The following SVEP1 variants were observed in gnomAD, a reference collection of about 807,000 sequenced individuals.
The protein encoded by SVEP1 is sushi, von Willebrand factor type A, EGF and pentraxin domain-containing protein 1.
A neutral mutation model predicts 367.3 loss-of-function variants in SVEP1; 164 were observed. The ratio of observed to expected loss-of-function variants is 0.45; its 90% CI spans 0.39 to 0.51. SVEP1 has a LOEUF of 0.51. Among genes scored for constraint, SVEP1 ranks in the 20% least tolerant of loss-of-function variants. The pLI is 0.00. For synonymous variants in SVEP1, 1,666 were observed against 1,611.6 expected, an observed-to-expected ratio of 1.03 and a Z score of -0.81; for missense variants, 4,117 against 4,425.3, an observed-to-expected ratio of 0.93 and a Z score of 1.98.
rs774579991 is a variant in SVEP1 at position 110,553,031 on chromosome 9, G to T, written c.532-2927C>A. The stretch of plus-strand genomic sequence containing the variant: ...ATATCCATGGGAAGAGATCCTGGAA[G>T]CCGCAGGAGATAGCTGCATTAAAGG... On this transcript the variant is annotated intron_variant, in intron 1 of 47. Coordinates refer to ENST00000374469, the MANE Select transcript of SVEP1 (RefSeq NM_153366.4). Among the ~76,000 whole-genome samples, 21 of 152,332 alleles carry T rather than the reference G, an allele frequency of 1.4e-4. 1 individual carries two copies. Among genetic ancestry groups the T allele is most frequent in the Non-Finnish European group, 2.6e-4 (18 of 68,034 alleles).
chr9:110,551,895 T>C (rs1328931506), intron 1 of SVEP1, among the ~76,000 whole-genome samples: 2 of 152,052 alleles, frequency 1.3e-5, no homozygotes, highest in African/African-American at 2.4e-5. Flanking sequence ...AAGAGATGAT[T>C]GACAAGCCTC....
intron 9 of SVEP1, among the ~76,000 whole-genome samples, chr9:110,486,858 T>C (rs781146333): frequency 6.6e-6 from 1 of 152,060 alleles, no homozygotes; most frequent in Non-Finnish European, 1.5e-5. Context: ...TTGGCCAGGC[T>C]GGTCTCGAGC....
chr9:110,525,448 T>C (rs1829928643), intron 3 of SVEP1, among the ~76,000 whole-genome samples: 1 of 152,190 alleles, frequency 6.6e-6, no homozygotes, highest in Non-Finnish European at 1.5e-5. Flanking sequence ...AATTAATATA[T>C]CATGTTTGTG....
intron 23 of SVEP1, 77 bp from the exon 24 acceptor site, chr9:110,450,337 T>A: frequency 1.4e-6 from 2 of 1,425,922 alleles, no homozygotes; most frequent in Non-Finnish European, 1.9e-6. Flanking sequence ...GTTGACTCCC[T>A]GGAGGATGCT....
In SVEP1 at chr9:110,579,429, C is replaced by G; in HGVS notation, c.115G>C (p.Ala39Pro). 1 of 1,588,544 alleles carries G rather than the reference C, an allele frequency of 6.3e-7. No individual in the cohort carries two copies. ...NFSFRLFPET[A>P]PGAPGSIPAP... is the part of the protein sequence containing the mutation. ...GGGATACTCCCGGGGGCCCCGGGCG[C>G]GGTCTCGGGGAAGAGGCGGAAGCTG... is the stretch of plus-strand genomic sequence containing the variant. Residue 39 changes from alanine (A) to proline (P), a missense_variant, in exon 1 of 48, where the codon GCG becomes CCG. Transcript: ENST00000374469. This position sits in a 1 kb window ranked among gnomAD's most constrained non-coding sequence, Gnocchi z 5.3.
At chr9:110,465,837 A>T (rs779446448) in intron 18 of SVEP1, 28 bp downstream of exon 18, 1 of 1,603,212 alleles carries the variant, frequency 6.2e-7, no homozygotes, top group Non-Finnish European at 8.5e-7. Flanking sequence ...AGGTTTAAAG[A>T]AATATCAATG....
rs1827964046 is a variant in SVEP1 at position 110,406,906 on chromosome 9, G to A, written c.8694C>T (p.Ala2898=). 4 of 1,613,804 alleles carry A rather than the reference G, an allele frequency of 2.5e-6. No homozygotes were observed. The highest frequency in any genetic ancestry group is 2.5e-6 in the Non-Finnish European group (3 of 1,179,896). The change falls in exon 38 of 48, where the codon GCC becomes GCT. Residue 2898 remains alanine, a synonymous_variant. Coordinates refer to ENST00000374469, the MANE Select transcript of SVEP1 (RefSeq NM_153366.4). ...AGTCCAGGCCTTCCGTCACCCCATT[G>A]GCCAGTTGTGGCGGGGTGGCACATC... is the stretch of plus-strand genomic sequence containing the variant. ...PVRCATPPQL[A]NGVTEGLDYG...
At position 110,435,259 on chromosome 9, in the gene SVEP1, T is replaced by C; in HGVS notation, c.4870A>G (p.Lys1624Glu). ...TTCTCACCAGAACAAAATATGCTCT[T>C]AGAATCGATCTTCACTTTCCCCACA... Reference protein sequence around the residue: ...GIVGKVKIDSKSIFCSDCPRL... With the variant: ...GIVGKVKIDSESIFCSDCPRL... Residue 1624 changes from lysine (K) to glutamate (E), a missense_variant, in exon 29 of 48, where the codon AAG (lysine) becomes GAG (glutamate). Lys to Glu is a moderately conservative substitution (Grantham distance 56). Around this residue, in one of 4 missense-constraint regions of SVEP1, gnomAD observed 2,174 missense variants for 2,494.3 expected, o/e 0.87. Coordinates refer to ENST00000374469, the MANE Select transcript of SVEP1 (RefSeq NM_153366.4). 6.2e-7 allele frequency: 1 copy of C among 1,613,196 alleles called. No homozygotes were observed.
chr9:110,466,763 A>AAAAAAAAAG (rs1828944679), intron 17 of SVEP1, among the ~76,000 whole-genome samples: 1 of 143,420 alleles, frequency 7.0e-6, no homozygotes, highest in African/African-American at 2.6e-5. Context: ...TCCATCTCAA[A>AAAAAAAAAG]AAAAAAAAAA....
intron 36 of SVEP1, among the ~76,000 whole-genome samples, chr9:110,425,318 CAAT>C (rs1229347469): frequency 2.6e-5 from 4 of 152,090 alleles, no homozygotes; most frequent in Non-Finnish European, 4.4e-5. Flanking sequence ...ATACAGAAAA[CAAT>C]AAAGCCATAT....
chr9:110,539,647 T>C (rs1830120135), intron 3 of SVEP1, among the ~76,000 whole-genome samples: 1 of 151,156 alleles, frequency 6.6e-6, no homozygotes, highest in Non-Finnish European at 1.5e-5. Flanking sequence ...ATGTGTTACA[T>C]ATATATGTAT....
intron 3 of SVEP1, among the ~76,000 whole-genome samples, chr9:110,526,632 A>G (rs1829942688): frequency 1.3e-5 from 2 of 152,270 alleles, no homozygotes; most frequent in South Asian, 4.1e-4. Flanking sequence ...AAGTTCTTAA[A>G]CAAAAATATG....
At chr9:110,500,567 G>A (rs576679244) in intron 6 of SVEP1, among the ~76,000 whole-genome samples, 2 of 152,120 alleles carry the variant, frequency 1.3e-5, no homozygotes, top group African/African-American at 2.4e-5. Context: ...TTCTCTTCCA[G>A]GTTGTAATGG....
intron 40 of SVEP1, among the ~76,000 whole-genome samples, chr9:110,397,126 A>G (rs1459815279): frequency 6.6e-6 from 1 of 152,248 alleles, no homozygotes; most frequent in Admixed American, 6.5e-5. Context: ...CCAGAAGCAC[A>G]TCAAAAAGCT....
chr9:110,448,970 G>T (rs1177939535), intron 24 of SVEP1, among the ~76,000 whole-genome samples: 1 of 152,210 alleles, frequency 6.6e-6, no homozygotes, highest in East Asian at 1.9e-4. Context: ...ATTGGGAAAT[G>T]TTGCAATTGG....
Position 110,514,047 on chromosome 9 carries a change from G to T in SVEP1, c.1024C>A (p.Pro342Thr). 1 of 1,611,862 alleles carries T rather than the reference G, an allele frequency of 6.2e-7. No homozygotes were observed. Among genetic ancestry groups the T allele is most frequent in the Non-Finnish European group, 8.5e-7 (1 of 1,179,012 alleles). The change falls in exon 4 of 48, where the codon CCA becomes ACA. Residue 342 changes from proline (P) to threonine (T), a missense_variant. Coordinates refer to ENST00000374469, the MANE Select transcript of SVEP1 (RefSeq NM_153366.4). ...GAGGTGTGATTTTCATCAGGACATG[G>T]AATGCAACTGCTGATTCCTCCTGGT... Reference protein sequence around the residue: ...GSPGGISSCIPCPDENHTSPP... With the variant: ...GSPGGISSCITCPDENHTSPP...
At chr9:110,383,524 G>A (rs1366105764) in intron 43 of SVEP1, among the ~76,000 whole-genome samples, 4 of 60,124 alleles carry the variant, frequency 6.7e-5, no homozygotes, top group African/African-American at 2.9e-4. Context: ...GGTGACCCCT[G>A]TTGTGGGGGG....
At chr9:110,578,901 TG>T (rs1361211477) in intron 1 of SVEP1, 111 bp downstream of exon 1, 14 of 1,204,234 alleles carry the variant, frequency 1.2e-5, no homozygotes, top group Non-Finnish European at 1.5e-5. Flanking sequence ...ACGCTTGACT[TG>T]GGGTGGTTAT....
chr9:110,433,329 C>T (rs542372137), intron 30 of SVEP1, among the ~76,000 whole-genome samples: 1 of 133,286 alleles, frequency 7.5e-6, no homozygotes, highest in African/African-American at 2.9e-5. Flanking sequence ...AAATCCCTGC[C>T]TTATGGAGCT....
Sources: gnomAD v4.1 joint callset for allele counts (sites outside exome capture counted in the v4.1 genomes callset) on GRCh38, gnomAD v4.1.1 for gene constraint, gnomAD v4.1.1 regional missense constraint, Gnocchi (gnomAD v3.1) non-coding constraint, MANE v1.5 for transcripts, NCBI Gene and HGNC (gene_info 2026-07-23, HGNC 2026-07-21) for gene names.